LINS1: variants seen among roughly 807,000 people sequenced by gnomAD.
The protein encoded by LINS1 is lines homolog 1.
LINS1 carries 27 observed loss-of-function variants against 41.6 expected under a neutral mutation model. The ratio of observed to expected loss-of-function variants is 0.65; its 90% CI spans 0.48 to 0.89. LINS1 has a LOEUF of 0.89. Among genes scored for constraint, LINS1 ranks in the 40% least tolerant of loss-of-function variants. The pLI, the probability that LINS1 is intolerant of heterozygous loss-of-function variation, is 0.00. For missense variants in LINS1, 955 were observed against 884.1 expected, an observed-to-expected ratio of 1.08 and a Z score of -1.02; for synonymous variants, 336 against 312.9, an observed-to-expected ratio of 1.07 and a Z score of -0.78.
chr15:100,580,226 A>C, intron 3 of LINS1, 37 bp downstream of exon 3: 1 of 1,438,518 alleles, frequency 7.0e-7, no homozygotes. Context: ...AAAATTAAGA[A>C]AGAGAAATAA....
chr15:100,578,527 AG>A, intron 3 of LINS1, among the ~76,000 whole-genome samples: 1 of 152,208 alleles, frequency 6.6e-6, no homozygotes, highest in African/African-American at 2.4e-5. Flanking sequence ...AGGAAACAAC[AG>A]GTGCTGGAGA....
At chr15:100,574,338 A>G (rs2038029783) in intron 4 of LINS1, 97 bp from the exon 5 acceptor site, 3 of 840,530 alleles carry the variant, frequency 3.6e-6, no homozygotes, top group Admixed American at 4.4e-5. Flanking sequence ...TTAAGATGAA[A>G]AAACAGATTT....
At chr15:100,596,128 AG>A (rs1446349560) in intron 1 of LINS1, among the ~76,000 whole-genome samples, 2 of 152,236 alleles carry the variant, frequency 1.3e-5, no homozygotes, top group Non-Finnish European at 2.9e-5. Context: ...TTCAAGCTCC[AG>A]GAACTGCCAG....
intron 3 of LINS1, among the ~76,000 whole-genome samples, chr15:100,579,797 G>T (rs2038423067): frequency 6.6e-6 from 1 of 152,132 alleles, no homozygotes; most frequent in Non-Finnish European, 1.5e-5. Context: ...TCAACTGGTG[G>T]TTCCTAAATC....
chr15:100,600,551 C>CA lies in LINS1; in HGVS notation c.-104+1569dup, dbSNP rs56911211. ...TTTACATTGGAGTCCTGCTGTTAAGCAAAAAAAAAAAAAAAAAAAACAGGG... is the reference window on the plus strand; with the variant it reads ...TTTACATTGGAGTCCTGCTGTTAAGCAAAAAAAAAAAAAAAAAAAAACAGGG... On this transcript the variant is annotated intron_variant, in intron 1 of 6. Transcript: ENST00000314742. Among the ~76,000 whole-genome samples the CA allele has an allele frequency of 4.0e-3, 318 of 79,680 alleles. 26 individuals carry two copies. The highest frequency in any genetic ancestry group is 0.018 in the African/African-American group (263 of 15,012). 52.3% of individuals were successfully genotyped at this position (79,680 alleles called of 152,430 possible).
rs546218071 is a variant in LINS1 at position 100,585,658 on chromosome 15, G to A, written c.-103-4713C>T. On this transcript the variant is annotated intron_variant, in intron 1 of 6. Coordinates refer to ENST00000314742, the MANE Select transcript of LINS1 (RefSeq NM_001040616.3). ...TAGGGTTCCAAGCTATTGGATCTTC[G>A]TTCGTGTATGTGTACATGTACATGT... 1.4e-4 allele frequency among the ~76,000 whole-genome samples: 21 copies of A among 152,264 alleles called. No individual in the cohort carries two copies. The South Asian group carries it at 2.9e-3, about 21-fold the overall frequency.
intron 4 of LINS1, among the ~76,000 whole-genome samples, chr15:100,574,514 C>G (rs1033869518): frequency 5.9e-5 from 9 of 152,202 alleles, no homozygotes; most frequent in African/African-American, 1.9e-4. Context: ...TTGAGACCAG[C>G]CTGGCCAACA....
intron 1 of LINS1, among the ~76,000 whole-genome samples, chr15:100,598,165 G>A (rs1455233605): frequency 6.6e-6 from 1 of 152,142 alleles, no homozygotes. Flanking sequence ...ATACTTTAAC[G>A]ATTTGTGCAA....
At chr15:100,585,707 C>T (rs1026368627) in intron 1 of LINS1, among the ~76,000 whole-genome samples, 4 of 152,154 alleles carry the variant, frequency 2.6e-5, no homozygotes, top group African/African-American at 9.7e-5. Flanking sequence ...TTTGTATGTA[C>T]ACTTATTGTT....
intron 3 of LINS1, among the ~76,000 whole-genome samples, chr15:100,578,155 A>G (rs1045503568): frequency 6.6e-6 from 1 of 152,300 alleles, no homozygotes; most frequent in African/African-American, 2.4e-5. Context: ...AATGGCAACA[A>G]AAGCCAAAAT....
intron 5 of LINS1, chr15:100,572,977 C>T: frequency 3.5e-6 from 1 of 284,954 alleles, no homozygotes; most frequent in Non-Finnish European, 5.4e-6. Flanking sequence ...CTGCAGTGAG[C>T]CTGGGAGACA....
intron 1 of LINS1, among the ~76,000 whole-genome samples, chr15:100,592,326 A>G (rs1047914017): frequency 2.6e-5 from 4 of 152,186 alleles, no homozygotes; most frequent in African/African-American, 9.7e-5. Flanking sequence ...AAGAACCTGG[A>G]CACCCATCAA....
chr15:100,576,727 AG>A (rs1375028967), intron 3 of LINS1: 1 of 152,294 alleles, frequency 6.6e-6, no homozygotes, highest in Admixed American at 6.5e-5. Context: ...ACAAAAAAAG[AG>A]AATTTTAGAC....
intron 1 of LINS1, among the ~76,000 whole-genome samples, chr15:100,589,207 G>C (rs1170247014): frequency 6.6e-6 from 1 of 152,202 alleles, no homozygotes; most frequent in African/African-American, 2.4e-5. Flanking sequence ...GAAAGGTGTT[G>C]TTGGTAAAAG....
intron 1 of LINS1, among the ~76,000 whole-genome samples, chr15:100,590,354 C>A (rs1351835552): frequency 2.6e-5 from 4 of 152,142 alleles, no homozygotes; most frequent in Non-Finnish European, 4.4e-5. Flanking sequence ...GATGAAGGTC[C>A]AATGCAGGTG....
At chr15:100,573,575 G>C (rs773602320) in intron 5 of LINS1, 76 bp downstream of exon 5, 1 of 973,962 alleles carries the variant, frequency 1.0e-6, no homozygotes, top group African/African-American at 1.6e-5. Flanking sequence ...AACTAGTCCT[G>C]AGATTTGATA....
At chr15:100,598,276 C>T (rs948151242) in intron 1 of LINS1, among the ~76,000 whole-genome samples, 2 of 152,152 alleles carry the variant, frequency 1.3e-5, no homozygotes, top group Non-Finnish European at 2.9e-5. Flanking sequence ...ACATTCCTGG[C>T]TGAAGATTAA....
At chr15:100,585,871 T>C (rs973283365) in intron 1 of LINS1, among the ~76,000 whole-genome samples, 1 of 152,222 alleles carries the variant, frequency 6.6e-6, no homozygotes, top group Admixed American at 6.5e-5. Flanking sequence ...TTCAGAACCG[T>C]CAGCATACAT....
In LINS1 at chr15:100,585,817, T is replaced by C. The variant is rs143435563; in HGVS notation, c.-103-4872A>G. The stretch of plus-strand genomic sequence containing the variant: ...ATGACTTAAGTATAACTTTACTAAA[T>C]AAGCTGGCTTTAAACTTATTGGTAA... On this transcript the variant is annotated intron_variant, in intron 1 of 6. Coordinates refer to ENST00000314742, the MANE Select transcript of LINS1 (RefSeq NM_001040616.3). Among the ~76,000 whole-genome samples the C allele has an allele frequency of 2.0e-3, 304 of 152,348 alleles. 1 individual carries two copies. The highest frequency in any genetic ancestry group is 6.9e-3 in the African/African-American group (287 of 41,580).
Sources: allele counts gnomAD v4.1 joint callset (sites outside exome capture counted in the v4.1 genomes callset), GRCh38; gene constraint gnomAD v4.1.1; transcripts MANE v1.5; gene names NCBI Gene and HGNC (gene_info 2026-07-23, HGNC 2026-07-21).